The following IRS1 variants were observed in gnomAD, a reference collection of about 807,000 sequenced individuals.
The protein encoded by IRS1 is insulin receptor substrate 1.
In IRS1, 34 loss-of-function variants were observed where a neutral mutation model predicts 65.6. The observed-to-expected ratio is 0.52, with a 90% CI of 0.39 to 0.69. The LOEUF (loss-of-function observed/expected upper bound fraction) is 0.69. Ranked by LOEUF, IRS1 falls within the 30% of genes least tolerant of loss-of-function variation. IRS1 has a pLI of 0.00. For synonymous variants in IRS1, 699 were observed against 683.5 expected, an observed-to-expected ratio of 1.02 and a Z score of -0.35; for missense variants, 1,641 against 1,720.2, an observed-to-expected ratio of 0.95 and a Z score of 0.81.
At chr2:226,763,335 T>C (rs1039670446) in intron 1 of IRS1, among the ~76,000 whole-genome samples, 1 of 152,176 alleles carries the variant, frequency 6.6e-6, no homozygotes, top group Admixed American at 6.5e-5. Flanking sequence ...AGTCTTGAAT[T>C]ACACAAGATT....
At chr2:226,758,273 G>A (rs1938844500) in intron 1 of IRS1, among the ~76,000 whole-genome samples, 1 of 152,076 alleles carries the variant, frequency 6.6e-6, no homozygotes, top group Non-Finnish European at 1.5e-5. Flanking sequence ...AATAATACTT[G>A]AAGAATGAGA....
chr2:226,791,448 T>C (rs1036734536), intron 1 of IRS1, among the ~76,000 whole-genome samples: 2 of 152,206 alleles, frequency 1.3e-5, no homozygotes, highest in Admixed American at 1.3e-4. Context: ...CAAGTGTGTG[T>C]TTCCGGCCCC....
In IRS1 at chr2:226,795,479, A is replaced by G. The variant is rs1234342137; in HGVS notation, c.3260T>C (p.Val1087Ala). 6.2e-7 allele frequency: 1 copy of G among 1,613,498 alleles called. No homozygotes were observed. The highest frequency in any genetic ancestry group is 8.5e-7 in the Non-Finnish European group (1 of 1,180,010). Residue 1087 changes from valine to alanine, a missense_variant, in exon 1 of 2, where the codon GTG (valine) becomes GCG (alanine). By Grantham distance (64) the Val-to-Ala change is moderately conservative (BLOSUM62 0). This residue lies in a region of IRS1 where 1,324 missense variants were observed against 1,361.0 expected (regional missense o/e 0.97). Transcript: ENST00000305123. ...LSPNRNQSAK[V>A]IRADPQGCRR... ...GCACCCTTGTGGGTCTGCACGGATC[A>G]CTTTGGCACTCTGGTTGCGGTTAGG...
At chr2:226,779,466 C>CA (rs1939339594) in intron 1 of IRS1, among the ~76,000 whole-genome samples, 1 of 152,184 alleles carries the variant, frequency 6.6e-6, no homozygotes, top group Non-Finnish European at 1.5e-5. Flanking sequence ...TCTACTCAGC[C>CA]ACGCTGGTGA....
chr2:226,734,055 G>T lies in IRS1; in HGVS notation c.*2217C>A, dbSNP rs1938279887. On this transcript the variant is annotated 3_prime_UTR_variant, in exon 2 of 2. Transcript: ENST00000305123. The stretch of plus-strand genomic sequence containing the variant: ...TAATAACCAGCTTTACAGGAAAATG[G>T]TTGGGAGTGACTTTGTTCATTGATT... 6.6e-6 allele frequency: 1 copy of T among 152,144 alleles called. No homozygotes were observed. Among genetic ancestry groups the T allele is most frequent in the Non-Finnish European group, 1.5e-5 (1 of 68,014 alleles). 9.4% of individuals were successfully genotyped at this position (152,144 alleles called of 1,614,324 possible).
chr2:226,775,790 T>A (rs984123224), intron 1 of IRS1, among the ~76,000 whole-genome samples: 1 of 152,216 alleles, frequency 6.6e-6, no homozygotes, highest in Non-Finnish European at 1.5e-5. Flanking sequence ...CCTATGCACA[T>A]CCTCCGGTAT....
In IRS1 at chr2:226,739,149, G is replaced by A. The variant is rs184881148; in HGVS notation, c.*22-2899C>T. ...CAGGGAATAAAAGGACGTATCAAGT[G>A]CATCGACACCTTCCTTCCAAAGTCT... On this transcript the variant is annotated intron_variant, in intron 1 of 1. Coordinates refer to ENST00000305123, the MANE Select transcript of IRS1 (RefSeq NM_005544.3). 1.5e-4 allele frequency among the ~76,000 whole-genome samples: 23 copies of A among 152,278 alleles called. No homozygotes were observed. The East Asian group carries it at 4.3e-3, about 28-fold the overall frequency.
rs955124256 is a variant in IRS1 at position 226,733,811 on chromosome 2, G to C, written c.*2461C>G. ...AGCAACTTCCAGTTTTAAATCGGTA[G>C]TTTGATGCCACCATCAAAACCAGCT... On this transcript the variant is annotated 3_prime_UTR_variant, in exon 2 of 2. Transcript: ENST00000305123. The C allele has an allele frequency of 1.1e-4, 16 of 152,214 alleles. No individual in the cohort carries two copies. The highest frequency in any genetic ancestry group is 3.9e-4 in the African/African-American group (16 of 41,452). The allele number at this position is 152,214 out of a possible 1,614,324, so 9.4% of individuals were successfully genotyped here.
chr2:226,790,795 C>T (rs1165693524), intron 1 of IRS1, among the ~76,000 whole-genome samples: 2 of 152,176 alleles, frequency 1.3e-5, no homozygotes, highest in South Asian at 4.1e-4. Flanking sequence ...AATCTGAACA[C>T]ATTTTCCATC....
chr2:226,763,497 C>T (rs1264939235), intron 1 of IRS1, among the ~76,000 whole-genome samples: 5 of 152,294 alleles, frequency 3.3e-5, no homozygotes, highest in East Asian at 1.9e-4. Context: ...GAAAATGAAA[C>T]GAGCAATCCA....
intron 1 of IRS1, among the ~76,000 whole-genome samples, chr2:226,755,932 C>T (rs76087715): frequency 0.017 from 2,605 of 152,330 alleles, 80 homozygotes; most frequent in African/African-American, 0.059. Flanking sequence ...GGATGAGCCA[C>T]ATGTTTAAAA....
chr2:226,768,724 C>CA (rs1387011132), intron 1 of IRS1, among the ~76,000 whole-genome samples: 11 of 152,292 alleles, frequency 7.2e-5, no homozygotes, highest in Non-Finnish European at 1.2e-4. Context: ...GCAACCCCCA[C>CA]CTCCTGGGCT....
intron 1 of IRS1, among the ~76,000 whole-genome samples, chr2:226,784,980 T>C (rs1379627150): frequency 6.6e-6 from 1 of 152,198 alleles, no homozygotes; most frequent in Non-Finnish European, 1.5e-5. Flanking sequence ...TTGGAGAAAA[T>C]AAGTGACAGG....
At position 226,799,212 on chromosome 2, in the gene IRS1, C is replaced by T. The variant is rs1939837278; in HGVS notation, c.-474G>A. 14 of 1,117,682 alleles carry T rather than the reference C, an allele frequency of 1.3e-5. No individual in the cohort carries two copies. The highest frequency in any genetic ancestry group is 1.6e-5 in the Non-Finnish European group (14 of 898,476). 69.2% of individuals were successfully genotyped at this position (1,117,682 alleles called of 1,614,324 possible). ...GCGATTCCCGAGGCAAATTAAATAT[C>T]CTTGGGCAGGGGGAGGCGGGTTGCC... On this transcript the variant is annotated 5_prime_UTR_variant, in exon 1 of 2. Coordinates refer to ENST00000305123, the MANE Select transcript of IRS1 (RefSeq NM_005544.3). The surrounding 1 kb of genome is among the most constrained non-coding windows in gnomAD (Gnocchi z 6.1).
In IRS1 at chr2:226,799,043, G is replaced by C; in HGVS notation, c.-305C>G. The C allele has an allele frequency of 7.4e-7, 1 of 1,356,216 alleles. No individual in the cohort carries two copies. The highest frequency in any genetic ancestry group is 3.1e-5 in the East Asian group (1 of 32,128). 84.0% of individuals were successfully genotyped at this position (1,356,216 alleles called of 1,614,324 possible). A position where few individuals can be genotyped will look rare whatever the true frequency, so the allele number is the denominator to read the frequency against. On this transcript the variant is annotated 5_prime_UTR_variant, in exon 1 of 2. Coordinates refer to ENST00000305123, the MANE Select transcript of IRS1 (RefSeq NM_005544.3). This position sits in a 1 kb window ranked among gnomAD's most constrained non-coding sequence, Gnocchi z 6.1. ...GCCAAGTCTCCTCTCAGCCGCCGCC[G>C]CCACCAGGAAGGAGCGAAGATGCAT...
At chr2:226,783,617 G>A (rs1290280220) in intron 1 of IRS1, among the ~76,000 whole-genome samples, 1 of 152,198 alleles carries the variant, frequency 6.6e-6, no homozygotes, top group East Asian at 1.9e-4. Context: ...CCCAAAGGTA[G>A]AAGTGTTCAC....
chr2:226,798,363 C>T lies in IRS1; in HGVS notation c.376G>A (p.Ala126Thr). 1 of 1,613,704 alleles carries T rather than the reference C, an allele frequency of 6.2e-7. No individual in the cohort carries two copies. The highest frequency in any genetic ancestry group is 8.5e-7 in the Non-Finnish European group (1 of 1,179,958). ...CCCCCACCACCTCCCGCCCCGAGGG[C>T]CGCAGCTCCGTCGTGGTGGCCCTTA... The part of the protein sequence containing the change: ...RAKGHHDGAA[A>T]LGAGGGGGSC... The change falls in exon 1 of 2, where the codon GCC becomes ACC. Residue 126 changes from alanine to threonine, a missense_variant. Physicochemically the swap from Ala to Thr is moderately conservative, Grantham distance 58. Around this residue, in one of 3 missense-constraint regions of IRS1, gnomAD observed 240 missense variants for 229.6 expected, o/e 1.05. Transcript: ENST00000305123. This position sits in a 1 kb window ranked among gnomAD's most constrained non-coding sequence, Gnocchi z 9.4.
intron 1 of IRS1, among the ~76,000 whole-genome samples, chr2:226,755,630 T>A (rs552141406): frequency 1.3e-5 from 2 of 152,248 alleles, no homozygotes; most frequent in Non-Finnish European, 2.9e-5. Context: ...TGAAGCTGGA[T>A]GAAACTAGGT....
At position 226,795,323 on chromosome 2, in the gene IRS1, T is replaced by G. The variant is rs1043936986; in HGVS notation, c.3416A>C (p.Lys1139Thr). The G allele has an allele frequency of 3.1e-6, 5 of 1,613,486 alleles. No individual in the cohort carries two copies. Among genetic ancestry groups the G allele is most frequent in the Non-Finnish European group, 4.2e-6 (5 of 1,180,020 alleles). The change falls in exon 1 of 2, where the codon AAA becomes ACA. Residue 1139 changes from lysine to threonine, a missense_variant. Coordinates refer to ENST00000305123, the MANE Select transcript of IRS1 (RefSeq NM_005544.3). ...CTCAAAGGAAGCAGAGCTGTGGCGTTTCACATCCTCGCTGCTGCTGCTGCT... is the reference window on the plus strand; with the variant it reads ...CTCAAAGGAAGCAGAGCTGTGGCGTGTCACATCCTCGCTGCTGCTGCTGCT... ...GGSSSSSEDV[K>T]RHSSASFENV...
Sources: gnomAD v4.1 joint callset for allele counts (sites outside exome capture counted in the v4.1 genomes callset) on GRCh38, gnomAD v4.1.1 for gene constraint, gnomAD v4.1.1 regional missense constraint, Gnocchi (gnomAD v3.1) non-coding constraint, MANE v1.5 for transcripts, NCBI Gene and HGNC (gene_info 2026-07-23, HGNC 2026-07-21) for gene names.